The following SCAF1 variants were observed in gnomAD, a reference collection of about 807,000 sequenced individuals.
SCAF1 encodes the protein SR-related CTD associated factor 1.
In SCAF1, 28 loss-of-function variants were observed where a neutral mutation model predicts 91.2. That is an observed-to-expected ratio of 0.31 (90% confidence interval 0.23 to 0.42). The LOEUF (loss-of-function observed/expected upper bound fraction) is 0.42, where lower values mean the gene tolerates loss of function less well. SCAF1 is among the 10% of genes least tolerant of loss of function. SCAF1 has a pLI of 1.00. For synonymous variants in SCAF1, 1,036 were observed against 833.7 expected, an observed-to-expected ratio of 1.24 and a Z score of -4.18; for missense variants, 1,893 against 1,872.1, an observed-to-expected ratio of 1.01 and a Z score of -0.21.
chr19:49,657,403 C>T (rs796322839), intron 9 of SCAF1, among the ~76,000 whole-genome samples: 6 of 152,238 alleles, frequency 3.9e-5, no homozygotes, highest in African/African-American at 4.8e-5. Context: ...TCTACAGCCC[C>T]GCCTCTAGAG....
chr19:49,653,153 A>G lies in SCAF1; in HGVS notation c.2764A>G (p.Lys922Glu). The part of the protein sequence containing the change: ...KGTKGKTKPS[K>E]TRKKVRSGGG... The stretch of plus-strand genomic sequence containing the variant: ...GACCAAGGGAAAGACCAAGCCATCC[A>G]AGACCAGGAAAAAGGTCCGCAGTGG... The change falls in exon 7 of 11, where the codon AAG (lysine) becomes GAG (glutamate). Residue 922 changes from lysine to glutamate, a missense_variant. Lys to Glu is a moderately conservative substitution (Grantham distance 56, BLOSUM62 1). Transcript: ENST00000360565. 6.2e-7 allele frequency: 1 copy of G among 1,605,194 alleles called. No individual in the cohort carries two copies. The highest frequency in any genetic ancestry group is 8.5e-7 in the Non-Finnish European group (1 of 1,176,094).
chr19:49,644,060 CT>C (rs374707776), intron 1 of SCAF1, among the ~76,000 whole-genome samples: 2 of 152,158 alleles, frequency 1.3e-5, no homozygotes, highest in African/African-American at 4.8e-5. Context: ...AGAAGTCAGG[CT>C]TTGAGTATTC....
In SCAF1 at chr19:49,652,038, G is replaced by C; in HGVS notation, c.1649G>C (p.Trp550Ser). ...QPAPPAPASP[W>S]DSKKHRSRDR... ...GCGCCGCCCGCCCCGGCCTCGCCCTGGGACTCCAAGAAGCACCGCTCGCGG... is the reference window on the plus strand; with the variant it reads ...GCGCCGCCCGCCCCGGCCTCGCCCTCGGACTCCAAGAAGCACCGCTCGCGG... The change falls in exon 7 of 11, where the codon TGG becomes TCG. Residue 550 changes from tryptophan (W) to serine (S), a missense_variant. Around this residue, in one of 5 missense-constraint regions of SCAF1, gnomAD observed 1,436 missense variants for 1,306.8 expected, o/e 1.10. Coordinates refer to ENST00000360565, the MANE Select transcript of SCAF1 (RefSeq NM_021228.3). The C allele has an allele frequency of 8.1e-7, 1 of 1,236,484 alleles. No individual in the cohort carries two copies. Among genetic ancestry groups the C allele is most frequent in the Non-Finnish European group, 1.0e-6 (1 of 977,474 alleles). 76.6% of individuals were successfully genotyped at this position (1,236,484 alleles called of 1,614,324 possible).
rs1437498919 is a variant in SCAF1 at position 49,652,097 on chromosome 19, G to C, written c.1708G>C (p.Ala570Pro). Residue 570 changes from alanine to proline, a missense_variant, in exon 7 of 11, where the codon GCC becomes CCC. By Grantham distance (27) the Ala-to-Pro change is conservative. Transcript: ENST00000360565. ...GCCCGGCTCCCACGCCTCGTCGTCC[G>C]CCCGCCGCCGCTCCCGCTCCCGCTC... Reference protein sequence around the residue: ...RKPGSHASSSARRRSRSRSRS... With the variant: ...RKPGSHASSSPRRRSRSRSRS... 1.8e-6 allele frequency: 2 copies of C among 1,134,018 alleles called. No homozygotes were observed. The allele number at this position is 1,134,018 out of a possible 1,614,324, so 70.2% of individuals were successfully genotyped here.
chr19:49,646,481 T>C lies in SCAF1; in HGVS notation c.262-45T>C, dbSNP rs2081055669. On this transcript the variant is annotated intron_variant, in intron 4 of 10. Coordinates refer to ENST00000360565, the MANE Select transcript of SCAF1 (RefSeq NM_021228.3). The surrounding 1 kb of genome is among the most constrained non-coding windows in gnomAD (Gnocchi z 5.6). ...AGTGGGGAAGCAGGATTTGCCAGTCTTCATGTGACCAGGGACGGCGTAGAG... is the reference window on the plus strand; with the variant it reads ...AGTGGGGAAGCAGGATTTGCCAGTCCTCATGTGACCAGGGACGGCGTAGAG... 3 of 1,553,986 alleles carry C rather than the reference T, an allele frequency of 1.9e-6. No individual in the cohort carries two copies. In the South Asian group the frequency reaches 3.3e-5, roughly 17 times the overall value.
In SCAF1 at chr19:49,651,441, G is replaced by A. The variant is rs767194010; in HGVS notation, c.1052G>A (p.Arg351Gln). Reference protein sequence around the residue: ...STRADGAMRRRVFVVGTEAEA... With the variant: ...STRADGAMRRQVFVVGTEAEA... ...CGGGCTGATGGAGCCATGCGCCGGC[G>A]GGTCTTCGTGGTGGGGACCGAGGCA... The change falls in exon 7 of 11, where the codon CGG becomes CAG. Residue 351 changes from arginine to glutamine, a missense_variant. Around this residue, in one of 5 missense-constraint regions of SCAF1, gnomAD observed 1,436 missense variants for 1,306.8 expected, o/e 1.10. Transcript: ENST00000360565. 204 of 1,594,510 alleles carry A rather than the reference G, an allele frequency of 1.3e-4. No individual in the cohort carries two copies. Among genetic ancestry groups the A allele is most frequent in the Non-Finnish European group, 1.6e-4 (189 of 1,171,054 alleles).
At position 49,651,715 on chromosome 19, in the gene SCAF1, G is replaced by T. The variant is rs892751058; in HGVS notation, c.1326G>T (p.Glu442Asp). 1 of 1,380,654 alleles carries T rather than the reference G, an allele frequency of 7.2e-7. No homozygotes were observed. The highest frequency in any genetic ancestry group is 3.8e-5 in the Admixed American group (1 of 26,444). 85.5% of individuals were successfully genotyped at this position (1,380,654 alleles called of 1,614,324 possible). ...LPQPPAPRAP[E>D]GDDFLSLHAE... Reference sequence around the variant, plus strand: ...AGCCTCCCGCTCCGCGGGCCCCCGAGGGGGACGACTTCTTGTCCCTGCATG... The same window carrying T: ...AGCCTCCCGCTCCGCGGGCCCCCGATGGGGACGACTTCTTGTCCCTGCATG... The change falls in exon 7 of 11, where the codon GAG (glutamate) becomes GAT (aspartate). Residue 442 changes from glutamate to aspartate, a missense_variant. Transcript: ENST00000360565.
intron 6 of SCAF1, among the ~76,000 whole-genome samples, chr19:49,648,924 C>T (rs568882641): frequency 6.6e-4 from 98 of 147,894 alleles, no homozygotes; most frequent in African/African-American, 2.3e-3. Flanking sequence ...GAGCTGAGAT[C>T]GTGCCACTGC....
chr19:49,654,767 TG>T lies in SCAF1; in HGVS notation c.3521del (p.Gly1174AlafsTer35). 1 of 1,612,584 alleles carries T rather than the reference TG, an allele frequency of 6.2e-7. No homozygotes were observed. Among genetic ancestry groups the T allele is most frequent in the East Asian group, 2.2e-5 (1 of 44,852 alleles). The part of the protein sequence containing the change: ...SSYLLPGSLP[L>X]GGCGSTPPTP... Reference sequence around the variant, plus strand: ...TACCTGCTTCCTGGCAGCCTCCCTCTGGGGGGCTGCGGTTCGACCCCCCCCA... The same window carrying T: ...TACCTGCTTCCTGGCAGCCTCCCTCTGGGGGCTGCGGTTCGACCCCCCCCA... On this transcript the variant is annotated frameshift_variant, in exon 9 of 11. Coordinates refer to ENST00000360565, the MANE Select transcript of SCAF1 (RefSeq NM_021228.3). LOFTEE classifies it high-confidence loss of function.
In SCAF1 at chr19:49,646,879, G is replaced by A; in HGVS notation, c.478+49G>A. The A allele has an allele frequency of 2.8e-6, 4 of 1,441,752 alleles. No homozygotes were observed. The highest frequency in any genetic ancestry group is 3.8e-6 in the Non-Finnish European group (4 of 1,056,280). 89.3% of individuals were successfully genotyped at this position (1,441,752 alleles called of 1,614,324 possible). A position where few individuals can be genotyped will look rare whatever the true frequency, so the allele number is the denominator to read the frequency against. The stretch of plus-strand genomic sequence containing the variant: ...GGGCAGGTGGTCGTGGAGTTGTGTG[G>A]GGATCGGCTGTTTTTGGTAGTGATG... On this transcript the variant is annotated intron_variant, in intron 6 of 10. Transcript: ENST00000360565. This position sits in a 1 kb window ranked among gnomAD's most constrained non-coding sequence, Gnocchi z 5.6.
In SCAF1 at chr19:49,652,392, C is replaced by T. The variant is rs2081102763; in HGVS notation, c.2003C>T (p.Pro668Leu). Residue 668 changes from proline to leucine, a missense_variant, in exon 7 of 11, where the codon CCG (proline) becomes CTG (leucine). Physicochemically the swap from Pro to Leu is moderately conservative, Grantham distance 98. Coordinates refer to ENST00000360565, the MANE Select transcript of SCAF1 (RefSeq NM_021228.3). Reference protein sequence around the residue: ...GSEKAPAPAPPPSGSTSCGDR... With the variant: ...GSEKAPAPAPLPSGSTSCGDR... ...GAGAAGGCCCCGGCGCCCGCCCCGC[C>T]GCCCTCTGGCTCCACCTCGTGTGGT... The T allele has an allele frequency of 1.3e-6, 2 of 1,571,254 alleles. No homozygotes were observed. The highest frequency in any genetic ancestry group is 8.6e-7 in the Non-Finnish European group (1 of 1,162,234).
rs749344504 is a variant in SCAF1, at chr19:49,645,447, C to G, written c.166+36C>G. ...TTCCGGTTCCTTTTAGCCCCTGCCC[C>G]CTCTCTGCATTCTTTATCCTAATGT... is the stretch of plus-strand genomic sequence containing the variant. On this transcript the variant is annotated intron_variant, in intron 3 of 10. Coordinates refer to ENST00000360565, the MANE Select transcript of SCAF1 (RefSeq NM_021228.3). The surrounding 1 kb of genome is among the most constrained non-coding windows in gnomAD (Gnocchi z 4.6). 2.5e-6 allele frequency: 4 copies of G among 1,590,474 alleles called. No homozygotes were observed. Among genetic ancestry groups the G allele is most frequent in the East Asian group, 4.5e-5 (2 of 44,670 alleles).
intron 7 of SCAF1, 34 bp from the exon 8 acceptor site, chr19:49,654,315 C>T (rs2081124332): frequency 6.3e-7 from 1 of 1,588,906 alleles, no homozygotes; most frequent in Non-Finnish European, 8.6e-7. Context: ...TCACCTCTCC[C>T]ATCTTCATGT....
intron 6 of SCAF1, among the ~76,000 whole-genome samples, chr19:49,649,229 T>G (rs2081072121): frequency 6.6e-6 from 1 of 152,160 alleles, no homozygotes; most frequent in Non-Finnish European, 1.5e-5. Flanking sequence ...TACAGAAATT[T>G]ATATAAAGCT....
In SCAF1 at chr19:49,648,569, C is replaced by G. The variant is rs887048797; in HGVS notation, c.478+1739C>G. Among the ~76,000 whole-genome samples, 4 of 150,846 alleles carry G rather than the reference C, an allele frequency of 2.7e-5. No individual in the cohort carries two copies. In the East Asian group the frequency reaches 7.8e-4, roughly 29 times the overall value. On this transcript the variant is annotated intron_variant, in intron 6 of 10. Transcript: ENST00000360565. ...CCACCATGCCTGCCACACCCCCCCCCCTTTTTTTTTAACAGCTGGAAATGA... is the reference window on the plus strand; with the variant it reads ...CCACCATGCCTGCCACACCCCCCCCGCTTTTTTTTTAACAGCTGGAAATGA...
intron 7 of SCAF1, 69 bp from the exon 8 acceptor site, chr19:49,654,280 G>C (rs1568445843): frequency 7.4e-7 from 1 of 1,347,604 alleles, no homozygotes; most frequent in East Asian, 2.4e-5. Flanking sequence ...AGGTGTCCAG[G>C]TGAGGTTCAC....
At chr19:49,641,974 C>T (rs570966063), upstream of SCAF1, among the ~76,000 whole-genome samples, 487 of 152,344 alleles carry the variant, frequency 3.2e-3, 1 homozygote, top group African/African-American at 0.011. Flanking sequence ...CACCTCTCAC[C>T]CCATTAGCTG....
chr19:49,645,000 C>T, intron 1 of SCAF1, 21 bp from the exon 2 acceptor site: 2 of 1,587,532 alleles, frequency 1.3e-6, no homozygotes, highest in Admixed American at 1.7e-5. Context: ...CCACTCCAAA[C>T]TCTCCCCCCT....
At chr19:49,654,290 C>T in intron 7 of SCAF1, 59 bp from the exon 8 acceptor site, 4 of 1,472,900 alleles carry the variant, frequency 2.7e-6, no homozygotes, top group Non-Finnish European at 2.8e-6. Context: ...GTGAGGTTCA[C>T]CAGCTCCTGT....
Sources: gnomAD v4.1 joint callset for allele counts (sites outside exome capture counted in the v4.1 genomes callset) on GRCh38, gnomAD v4.1.1 for gene constraint, gnomAD v4.1.1 regional missense constraint, Gnocchi (gnomAD v3.1) non-coding constraint, MANE v1.5 for transcripts, NCBI Gene and HGNC (gene_info 2026-07-23, HGNC 2026-07-21) for gene names.